The following TFB1M variants were observed in gnomAD, a reference collection of about 807,000 sequenced individuals.
TFB1M encodes the protein transcription factor B1, mitochondrial.
TFB1M carries 27 observed loss-of-function variants against 31.1 expected under a neutral mutation model. The observed-to-expected ratio is 0.87, with a 90% confidence interval of 0.64 to 1.20. The LOEUF (loss-of-function observed/expected upper bound fraction) is 1.20. TFB1M is among the 50% of genes most tolerant of loss of function. The pLI, the probability that TFB1M is intolerant of heterozygous loss-of-function variation, is 0.00. For missense variants in TFB1M, 394 were observed against 418.7 expected (o/e 0.94, Z 0.51); for synonymous variants, 166 against 151.8 (o/e 1.09, Z -0.69).
At chr6:155,253,066 T>G (rs1280772410), downstream of TFB1M, 1 of 1,602,964 alleles carries the variant, frequency 6.2e-7, no homozygotes, top group African/African-American at 1.3e-5. Context: ...AACTGTTTCG[T>G]GCAGTATGAT....
chr6:155,305,456 T>TTTATATATATAAATATATATTAAA (rs1245616637), intron 2 of TFB1M, among the ~76,000 whole-genome samples: 1 of 30,266 alleles, frequency 3.3e-5, no homozygotes, highest in Non-Finnish European at 5.0e-5. Context: ...AAATTATATA[T>TTTATATATATAAATATATATTAAA]TTATATATAT....
the TFB1M span, chr6:155,244,614 C>T: frequency 6.2e-7 from 1 of 1,603,336 alleles, no homozygotes; most frequent in Non-Finnish European, 8.5e-7. Flanking sequence ...GTGTCCTGAA[C>T]TTCATGGCTA....
At chr6:155,245,788 T>A in the TFB1M span, 1 of 1,156,614 alleles carries the variant, frequency 8.6e-7, no homozygotes, top group Non-Finnish European at 1.2e-6. Flanking sequence ...TAACTGTTAG[T>A]AAAGGGTAAA....
chr6:155,307,966 T>C (rs1777861593), intron 2 of TFB1M, among the ~76,000 whole-genome samples: 1 of 151,104 alleles, frequency 6.6e-6, no homozygotes. Context: ...GTACGAGTGA[T>C]TTACGAATTT....
chr6:155,298,038 G>A (rs192536059), intron 3 of TFB1M, among the ~76,000 whole-genome samples: 2 of 152,360 alleles, frequency 1.3e-5, no homozygotes, highest in Admixed American at 1.3e-4. Flanking sequence ...GCACACAGCA[G>A]GTACCCAATA....
chr6:155,234,190 T>G, the TFB1M span, among the ~76,000 whole-genome samples: 3 of 152,232 alleles, frequency 2.0e-5, no homozygotes, highest in African/African-American at 7.2e-5. Context: ...AAAACCAATC[T>G]GAGGCCCCCA....
At position 155,304,943 on chromosome 6, in the gene TFB1M, T is replaced by G. The variant is rs762360556; in HGVS notation, c.285+6245A>C. Among the ~76,000 whole-genome samples the G allele has an allele frequency of 4.0e-5, 6 of 150,560 alleles. No homozygotes were observed. The South Asian group carries it at 6.3e-4, about 16-fold the overall frequency. ...CATAAAACCAACTGATTTTTGACAATAGTACTAAGGCAATTCAATGAGGAA... is the reference window on the plus strand; with the variant it reads ...CATAAAACCAACTGATTTTTGACAAGAGTACTAAGGCAATTCAATGAGGAA... On this transcript the variant is annotated intron_variant, in intron 2 of 6. Transcript: ENST00000367166.
chr6:155,300,592 T>C (rs973703391), intron 2 of TFB1M, among the ~76,000 whole-genome samples: 1 of 152,170 alleles, frequency 6.6e-6, no homozygotes, highest in Non-Finnish European at 1.5e-5. Context: ...GCAGAACTAA[T>C]AGCTTAAGTC....
chr6:155,296,550 T>G (rs976999097), intron 4 of TFB1M, among the ~76,000 whole-genome samples: 5 of 151,378 alleles, frequency 3.3e-5, no homozygotes, highest in African/African-American at 1.2e-4. Context: ...AGTGCTGGAA[T>G]TACAGGCATG....
chr6:155,311,339 T>A lies in TFB1M; in HGVS notation c.134A>T (p.Asp45Val), dbSNP rs760949619. 1 of 1,613,726 alleles carries A rather than the reference T, an allele frequency of 6.2e-7. No homozygotes were observed. The highest frequency in any genetic ancestry group is 1.1e-5 in the South Asian group (1 of 91,068). Residue 45 changes from aspartate to valine, a missense_variant and splice_region_variant, in exon 2 of 7, where the codon GAT (aspartate) becomes GTT (valine). Physicochemically the swap from Asp to Val is radical, Grantham distance 152 (BLOSUM62 -3). Around this residue, in one of 3 missense-constraint regions of TFB1M, gnomAD observed 273 missense variants for 256.4 expected, o/e 1.06. Coordinates refer to ENST00000367166, the MANE Select transcript of TFB1M (RefSeq NM_016020.4). ...QNFLLDLRLTDKIVRKAGNLT... is the reference protein window; with the variant it reads ...QNFLLDLRLTVKIVRKAGNLT... The stretch of plus-strand genomic sequence containing the variant: ...ATTGCCAGCTTTCCTTACAATCTTA[T>A]CTAGAGGAAAAAGAGTTTTAGTTAT...
chr6:155,307,168 T>C (rs335373), intron 2 of TFB1M, among the ~76,000 whole-genome samples: 16,454 of 136,988 alleles, frequency 0.12, 1,163 homozygotes, highest in African/African-American at 0.22. Flanking sequence ...CACACACACA[T>C]ATACACACAG....
At chr6:155,258,259 C>T (rs1382531955) in intron 6 of TFB1M, among the ~76,000 whole-genome samples, 177 bp from the exon 7 acceptor site, 1 of 152,222 alleles carries the variant, frequency 6.6e-6, no homozygotes, top group Non-Finnish European at 1.5e-5. Context: ...CGGCCCGCCA[C>T]TGAGGCAGCT....
At chr6:155,238,365 GTCT>G in the TFB1M span, among the ~76,000 whole-genome samples, 1,570 of 152,308 alleles carry the variant, frequency 0.01, 26 homozygotes, top group African/African-American at 0.035. Context: ...ACACTTTCCT[GTCT>G]TCTTCTGAGC....
chr6:155,248,375 G>A, the TFB1M span, among the ~76,000 whole-genome samples: 2 of 152,230 alleles, frequency 1.3e-5, no homozygotes, highest in Non-Finnish European at 2.9e-5. Flanking sequence ...CTCCTTTAGA[G>A]CTTACAAAAT....
intron 5 of TFB1M, among the ~76,000 whole-genome samples, chr6:155,266,663 G>A (rs545442087): frequency 6.6e-6 from 1 of 151,970 alleles, no homozygotes; most frequent in African/African-American, 2.4e-5. Context: ...TGGCTAACAC[G>A]GTGAAACCCC....
intron 5 of TFB1M, among the ~76,000 whole-genome samples, chr6:155,275,014 C>T (rs1240040818): frequency 1.3e-5 from 2 of 151,484 alleles, no homozygotes; most frequent in Non-Finnish European, 2.9e-5. Flanking sequence ...GTCAGGAGAT[C>T]GAGACCATCC....
chr6:155,305,106 TATTATATATTTATATATATACATA>T lies in TFB1M; in HGVS notation c.285+6058_285+6081del, dbSNP rs1206585302. 4.9e-3 allele frequency among the ~76,000 whole-genome samples: 600 copies of T among 121,986 alleles called. 14 individuals carry two copies. Among genetic ancestry groups the T allele is most frequent in the Non-Finnish European group, 5.9e-3 (375 of 63,032 alleles). The allele number at this position is 121,986 out of a possible 152,430, so 80.0% of individuals were successfully genotyped here. On this transcript the variant is annotated intron_variant, in intron 2 of 6. Coordinates refer to ENST00000367166, the MANE Select transcript of TFB1M (RefSeq NM_016020.4). ...ATAAAATAATTTTATATTATTTATA[TATTATATATTTATATATATACATA>T]ATTATATATTTATATATATAAATAT...
downstream of TFB1M, chr6:155,253,332 A>C: frequency 7.6e-6 from 3 of 397,332 alleles, no homozygotes; most frequent in African/African-American, 2.0e-5. Context: ...GATACCCTAA[A>C]ATGTGTTAGA....
rs1375109611 is a variant in TFB1M at position 155,305,360 on chromosome 6, TTA to T, written c.285+5826_285+5827del. On this transcript the variant is annotated intron_variant, in intron 2 of 6. Transcript: ENST00000367166. ...TATAAATATATATTAAATTGTATAT[TTA>T]TATATATAAATATATATTAAATTGT... 3.1e-4 allele frequency among the ~76,000 whole-genome samples: 10 copies of T among 32,562 alleles called. 3 individuals carry two copies. The highest frequency in any genetic ancestry group is 3.9e-4 in the Non-Finnish European group (8 of 20,688). The allele number at this position is 32,562 out of a possible 152,430, so 21.4% of individuals were successfully genotyped here.
Sources: gnomAD v4.1 joint callset for allele counts (sites outside exome capture counted in the v4.1 genomes callset) on GRCh38, gnomAD v4.1.1 for gene constraint, gnomAD v4.1.1 regional missense constraint, MANE v1.5 for transcripts, NCBI Gene and HGNC (gene_info 2026-07-23, HGNC 2026-07-21) for gene names.